Variants in QTMAN observed in about 807,000 individuals in gnomAD.
QTMAN encodes the protein tRNA-queuosine alpha-mannosyltransferase.
chr2:144,280,908 T>A, the QTMAN span, among the ~76,000 whole-genome samples: 12 of 152,178 alleles, frequency 7.9e-5, no homozygotes, highest in Non-Finnish European at 1.8e-4. Flanking sequence ...CTTTTTTTTT[T>A]AATTTTATTA....
the QTMAN span, among the ~76,000 whole-genome samples, chr2:144,015,220 G>A: frequency 2.6e-5 from 4 of 151,928 alleles, no homozygotes; most frequent in African/African-American, 4.8e-5. Context: ...CACTTCTCAC[G>A]ATCCCCACTC....
At chr2:144,222,533 G>A in the QTMAN span, among the ~76,000 whole-genome samples, 61 of 151,946 alleles carry the variant, frequency 4.0e-4, no homozygotes, top group Middle Eastern at 3.4e-3. Flanking sequence ...GAGGCTGGGC[G>A]TGGTGGCTCA....
At chr2:144,003,153 A>C in the QTMAN span, among the ~76,000 whole-genome samples, 1 of 151,942 alleles carries the variant, frequency 6.6e-6, no homozygotes, top group South Asian at 2.1e-4. Context: ...CTAATACAGT[A>C]AACATTGATA....
At chr2:143,970,669 G>T in the QTMAN span, 1 of 1,590,196 alleles carries the variant, frequency 6.3e-7, no homozygotes, top group Non-Finnish European at 8.6e-7. Context: ...CATCTGTGAA[G>T]GTTTCTCCAA....
the QTMAN span, among the ~76,000 whole-genome samples, chr2:144,055,954 T>C: frequency 1.3e-5 from 2 of 152,196 alleles, no homozygotes; most frequent in East Asian, 3.9e-4. Flanking sequence ...GCCGCACCAC[T>C]TACTAGTTTT....
chr2:144,281,545 C>T, the QTMAN span, among the ~76,000 whole-genome samples: 9 of 152,034 alleles, frequency 5.9e-5, no homozygotes, highest in Admixed American at 3.9e-4. Flanking sequence ...TGTGTCCCTC[C>T]AAAATTCATA....
chr2:144,265,769 C>A, the QTMAN span, among the ~76,000 whole-genome samples: 2 of 152,192 alleles, frequency 1.3e-5, no homozygotes, highest in Non-Finnish European at 2.9e-5. Context: ...TCCTCCTCTT[C>A]CTTTAAGGTT....
At chr2:144,124,883 GT>G in the QTMAN span, among the ~76,000 whole-genome samples, 6 of 152,046 alleles carry the variant, frequency 3.9e-5, no homozygotes, top group Non-Finnish European at 7.4e-5. Flanking sequence ...AACAATGACA[GT>G]TACTAAAAAA....
chr2:144,217,220 T>C, the QTMAN span, among the ~76,000 whole-genome samples: 1 of 152,180 alleles, frequency 6.6e-6, no homozygotes, highest in Non-Finnish European at 1.5e-5. Context: ...GTTGAACCAC[T>C]TTTCTTTTAC....
the QTMAN span, among the ~76,000 whole-genome samples, chr2:144,251,680 G>T: frequency 6.6e-6 from 1 of 152,048 alleles, no homozygotes; most frequent in South Asian, 2.1e-4. Context: ...TGACTTTTTA[G>T]ATATAACACC....
the QTMAN span, chr2:143,945,558 C>T: frequency 2.0e-5 from 3 of 152,434 alleles, no homozygotes; most frequent in South Asian, 2.1e-4. Flanking sequence ...TGATCTATTT[C>T]GTGCTTTCGA....
At chr2:144,286,922 T>A in the QTMAN span, among the ~76,000 whole-genome samples, 7 of 152,338 alleles carry the variant, frequency 4.6e-5, no homozygotes, top group South Asian at 2.1e-4. Context: ...CTAATCAACT[T>A]AGCTGAAAGA....
At chr2:144,259,076 T>C in the QTMAN span, among the ~76,000 whole-genome samples, 1 of 152,208 alleles carries the variant, frequency 6.6e-6, no homozygotes, top group Non-Finnish European at 1.5e-5. Flanking sequence ...GGACAGTCAG[T>C]GGATGTCAGC....
the QTMAN span, among the ~76,000 whole-genome samples, chr2:144,141,036 C>A: frequency 6.6e-6 from 1 of 151,936 alleles, no homozygotes; most frequent in African/African-American, 2.4e-5. Context: ...TGACCTCTTG[C>A]ATAGCATGTA....
the QTMAN span, among the ~76,000 whole-genome samples, chr2:143,978,941 C>G: frequency 1.3e-5 from 2 of 152,158 alleles, no homozygotes; most frequent in African/African-American, 4.8e-5. Context: ...TCCAGTCCAC[C>G]TCCTCTAGTT....
At chr2:144,252,420 A>G in the QTMAN span, among the ~76,000 whole-genome samples, 1 of 152,196 alleles carries the variant, frequency 6.6e-6, no homozygotes, top group African/African-American at 2.4e-5. Context: ...AAGGGGGGGC[A>G]AAAGCTCTGA....
chr2:144,049,380 A>G, the QTMAN span, among the ~76,000 whole-genome samples: 2 of 152,204 alleles, frequency 1.3e-5, no homozygotes, highest in East Asian at 1.9e-4. Context: ...GCAGCTTAAA[A>G]ATAGAACAAA....
At chr2:144,133,673 A>C in the QTMAN span, among the ~76,000 whole-genome samples, 1 of 147,318 alleles carries the variant, frequency 6.8e-6, no homozygotes, top group Non-Finnish European at 1.5e-5. Context: ...ACACAGCATG[A>C]AAGATTTATA....
At chr2:144,168,480 G>C in the QTMAN span, among the ~76,000 whole-genome samples, 1 of 152,102 alleles carries the variant, frequency 6.6e-6, no homozygotes, top group African/African-American at 2.4e-5. Context: ...TAGAAGATTT[G>C]CTTCAAAATA....
Sources: gnomAD v4.1 joint callset for allele counts (sites outside exome capture counted in the v4.1 genomes callset) on GRCh38, gnomAD v4.1.1 for gene constraint, MANE v1.5 for transcripts, NCBI Gene and HGNC (gene_info 2026-07-23, HGNC 2026-07-21) for gene names.